PCDH15: variants seen among roughly 807,000 people sequenced by gnomAD.
The protein encoded by PCDH15 is protocadherin related 15, also known as protocadherin-15.
In PCDH15, 129 loss-of-function variants were observed where a neutral mutation model predicts 178.5. That is an observed-to-expected ratio of 0.72 (90% CI 0.63 to 0.84). The LOEUF (loss-of-function observed/expected upper bound fraction) is 0.84. Ranked by LOEUF, PCDH15 falls within the 40% of genes least tolerant of loss-of-function variation. The probability of loss-of-function intolerance (pLI) is 0.00; values close to 1 mark genes in which losing one functional copy is unlikely to be tolerated. For synonymous variants in PCDH15, 800 were observed against 732.0 expected (o/e 1.09, Z -1.50); for missense variants, 2,230 against 2,099.9 (o/e 1.06, Z -1.21).
At chr10:55,361,127 T>C (rs1314956843) in intron 2 of PCDH15, among the ~76,000 whole-genome samples, 2 of 151,952 alleles carry the variant, frequency 1.3e-5, no homozygotes, top group African/African-American at 2.4e-5. Flanking sequence ...ATCATTAATA[T>C]AAAGTTCAAA....
At chr10:55,446,650 T>G (rs969857543) in intron 2 of PCDH15, among the ~76,000 whole-genome samples, 92 of 152,274 alleles carry the variant, frequency 6.0e-4, no homozygotes, top group African/African-American at 2.1e-3. Context: ...GGAATATGTT[T>G]CTTTTCTAAT....
intron 37 of PCDH15, chr10:53,809,275 G>T (rs761055282): frequency 6.2e-7 from 1 of 1,613,900 alleles, no homozygotes; most frequent in South Asian, 1.1e-5. Context: ...AGTGCTTTCT[G>T]TTGCTTCCTC....
intron 3 of PCDH15, among the ~76,000 whole-genome samples, chr10:54,472,136 T>C (rs1261360086): frequency 1.3e-5 from 2 of 152,134 alleles, no homozygotes; most frequent in Non-Finnish European, 2.9e-5. Flanking sequence ...ATAAAGTGTG[T>C]CCTTTTTGAA....
At chr10:54,577,825 C>T (rs1195183606) in intron 2 of PCDH15, among the ~76,000 whole-genome samples, 2 of 151,284 alleles carry the variant, frequency 1.3e-5, no homozygotes, top group Non-Finnish European at 2.9e-5. Context: ...GGCCTTGAGG[C>T]CAGTTCCTGT....
intron 5 of PCDH15, among the ~76,000 whole-genome samples, chr10:54,359,683 AAC>A (rs1216978090): frequency 2.0e-5 from 3 of 152,086 alleles, no homozygotes; most frequent in African/African-American, 7.2e-5. Flanking sequence ...TATAGAATGA[AAC>A]AGAGTAAACA....
At chr10:55,057,300 A>G (rs1451675367) in intron 2 of PCDH15, among the ~76,000 whole-genome samples, 1 of 151,998 alleles carries the variant, frequency 6.6e-6, no homozygotes, top group East Asian at 1.9e-4. Flanking sequence ...ATTCCATGCA[A>G]TTGTTAAGAA....
chr10:54,430,475 C>A (rs1307939300), intron 3 of PCDH15, among the ~76,000 whole-genome samples: 1 of 152,016 alleles, frequency 6.6e-6, no homozygotes, highest in Non-Finnish European at 1.5e-5. Flanking sequence ...TATCTAACCA[C>A]AATGGAATAA....
At chr10:54,179,475 C>T (rs377057730) in intron 13 of PCDH15, among the ~76,000 whole-genome samples, 7 of 151,066 alleles carry the variant, frequency 4.6e-5, no homozygotes, top group African/African-American at 7.3e-5. Flanking sequence ...TGCTAAATGA[C>T]GAGTTATTGG....
intron 21 of PCDH15, among the ~76,000 whole-genome samples, chr10:53,976,217 C>T (rs1207207301): frequency 6.6e-6 from 1 of 151,956 alleles, no homozygotes; most frequent in Non-Finnish European, 1.5e-5. Flanking sequence ...GATGCTTCCA[C>T]CTTTATTCTT....
intron 1 of PCDH15, among the ~76,000 whole-genome samples, chr10:54,782,711 C>A (rs530464164): frequency 9.2e-4 from 140 of 152,112 alleles, no homozygotes; most frequent in African/African-American, 3.3e-3. Flanking sequence ...ACTAGCCCAC[C>A]AAGCTTGCTA....
chr10:55,244,962 A>T (rs1043659589), intron 1 of PCDH15, among the ~76,000 whole-genome samples: 1 of 152,040 alleles, frequency 6.6e-6, no homozygotes, highest in Non-Finnish European at 1.5e-5. Flanking sequence ...AATAAATGAT[A>T]CAAATATTCT....
rs1166055755 is a variant in PCDH15, at chr10:54,923,279, A to G, written c.-79-25779T>C. Among the ~76,000 whole-genome samples the G allele has an allele frequency of 2.2e-5, 3 of 137,942 alleles. 1 individual carries two copies. The highest frequency in any genetic ancestry group is 5.1e-5 in the Non-Finnish European group (3 of 59,228). The allele number at this position is 137,942 out of a possible 152,430, so 90.5% of individuals were successfully genotyped here. On this transcript the variant is annotated intron_variant, in intron 2 of 5. Coordinates refer to the PCDH15 transcript ENST00000458638. ...TCCCTGGGTCTAGCCCATGAAACCAATTTTTTTCTCCAAGGCCTCCAGGCC... is the reference window on the plus strand; with the variant it reads ...TCCCTGGGTCTAGCCCATGAAACCAGTTTTTTTCTCCAAGGCCTCCAGGCC...
At chr10:53,966,579 T>A (rs2089043433) in intron 21 of PCDH15, among the ~76,000 whole-genome samples, 1 of 152,114 alleles carries the variant, frequency 6.6e-6, no homozygotes, top group Admixed American at 6.6e-5. Flanking sequence ...ATGAATCAAG[T>A]CAAATTCATT....
intron 2 of PCDH15, among the ~76,000 whole-genome samples, chr10:55,584,602 G>A (rs1842686512): frequency 7.7e-6 from 1 of 129,630 alleles, no homozygotes; most frequent in Non-Finnish European, 1.6e-5. Context: ...AGGTCACAAT[G>A]AGCCGAGATC....
chr10:54,372,004 G>A (rs553733231), intron 4 of PCDH15, among the ~76,000 whole-genome samples: 12 of 151,796 alleles, frequency 7.9e-5, no homozygotes, highest in Non-Finnish European at 1.5e-5. Context: ...TTCCTGGAAA[G>A]AATTTGAATT....
intron 2 of PCDH15, among the ~76,000 whole-genome samples, chr10:55,523,152 C>T: frequency 6.7e-6 from 1 of 149,958 alleles, no homozygotes; most frequent in East Asian, 2.2e-4. Context: ...TCTGAACATT[C>T]ATATTCCTCC....
chr10:54,416,620 T>C (rs893800870), intron 3 of PCDH15, among the ~76,000 whole-genome samples: 23 of 152,230 alleles, frequency 1.5e-4, no homozygotes, highest in African/African-American at 5.5e-4. Flanking sequence ...GAATGATTTA[T>C]ATTCCTTTGG....
At chr10:55,595,863 C>A (rs1283710950) in intron 2 of PCDH15, among the ~76,000 whole-genome samples, 1 of 151,724 alleles carries the variant, frequency 6.6e-6, no homozygotes, top group Non-Finnish European at 1.5e-5. Flanking sequence ...TTAGAAATAC[C>A]ATTCTTCTAT....
intron 21 of PCDH15, among the ~76,000 whole-genome samples, chr10:53,969,060 G>T (rs1021129399): frequency 6.6e-6 from 1 of 152,074 alleles, no homozygotes; most frequent in African/African-American, 2.4e-5. Context: ...AAACTTCTCC[G>T]AGCTAAAGGA....
Sources: allele counts gnomAD v4.1 joint callset (sites outside exome capture counted in the v4.1 genomes callset), GRCh38; gene constraint gnomAD v4.1.1; transcripts MANE v1.5; gene names NCBI Gene and HGNC (gene_info 2026-07-23, HGNC 2026-07-21).